MAPK10: variants seen among roughly 807,000 people sequenced by gnomAD.
MAPK10 encodes mitogen-activated protein kinase 10, also known as JNK3 alpha protein kinase.
A neutral mutation model predicts 59.3 loss-of-function variants in MAPK10; 25 were observed. The observed-to-expected ratio is 0.42, with a 90% confidence interval of 0.31 to 0.59. The LOEUF (loss-of-function observed/expected upper bound fraction) is 0.59. MAPK10 is among the 20% of genes least tolerant of loss of function. The pLI is 0.15. For missense variants in MAPK10, 351 were observed against 568.9 expected, an observed-to-expected ratio of 0.62 and a Z score of 3.90; for synonymous variants, 190 against 200.5, an observed-to-expected ratio of 0.95 and a Z score of 0.44.
intron 1 of MAPK10, among the ~76,000 whole-genome samples, chr4:86,464,811 C>G (rs1752052156): frequency 6.9e-6 from 1 of 144,334 alleles, no homozygotes; most frequent in Non-Finnish European, 1.5e-5. Context: ...CAGAGCGAGA[C>G]TCTGTCTCAA....
intron 4 of MAPK10, chr4:86,118,101 T>C (rs879695497): frequency 2.7e-4 from 41 of 152,172 alleles, no homozygotes; most frequent in Admixed American, 1.1e-3. Flanking sequence ...TTAAAATGCT[T>C]CTGTCTTCTG....
chr4:86,367,638 G>A (rs1279177756), intron 1 of MAPK10, among the ~76,000 whole-genome samples: 1 of 151,870 alleles, frequency 6.6e-6, no homozygotes, highest in Non-Finnish European at 1.5e-5. Flanking sequence ...GTATTCTTAT[G>A]TAGCAAGCAT....
rs992557252 is a variant in MAPK10 at position 86,012,391 on chromosome 4, G to A, written c.*4837C>T. On this transcript the variant is annotated 3_prime_UTR_variant, in exon 14 of 14. Transcript: ENST00000641462. ...AAATGAAATCATGACACCCTTCAGA[G>A]CTACTGTCGTTACATGCAACTCAAG... 1 of 152,136 alleles carries A rather than the reference G, an allele frequency of 6.6e-6. No individual in the cohort carries two copies. The highest frequency in any genetic ancestry group is 1.5e-5 in the Non-Finnish European group (1 of 68,004). The allele number at this position is 152,136 out of a possible 1,614,324, so 9.4% of individuals were successfully genotyped here.
At chr4:86,066,877 A>G (rs2046854727) in intron 10 of MAPK10, among the ~76,000 whole-genome samples, 1 of 151,978 alleles carries the variant, frequency 6.6e-6, no homozygotes, top group Non-Finnish European at 1.5e-5. Context: ...AGGAAACAAT[A>G]TGGGAAAATG....
chr4:86,461,326 G>C (rs1453250800), intron 1 of MAPK10, among the ~76,000 whole-genome samples: 1 of 152,134 alleles, frequency 6.6e-6, no homozygotes, highest in Non-Finnish European at 1.5e-5. Flanking sequence ...AAGTGGATGG[G>C]GAAGGCACAG....
At chr4:86,179,818 C>T (rs774826990) in intron 3 of MAPK10, among the ~76,000 whole-genome samples, 2 of 152,018 alleles carry the variant, frequency 1.3e-5, no homozygotes, top group Admixed American at 6.6e-5. Flanking sequence ...ATATCTCTCA[C>T]AATAAACAAA....
chr4:86,240,803 C>G (rs572236269), intron 2 of MAPK10, among the ~76,000 whole-genome samples: 1 of 152,244 alleles, frequency 6.6e-6, no homozygotes, highest in Admixed American at 6.5e-5. Flanking sequence ...ATTTGCCAGT[C>G]TGTATCTTTT....
chr4:86,543,108 A>G (rs1758854336), intron 1 of MAPK10, among the ~76,000 whole-genome samples: 1 of 152,124 alleles, frequency 6.6e-6, no homozygotes, highest in Non-Finnish European at 1.5e-5. Flanking sequence ...AAAGCCAAGG[A>G]AGTTAAAGGG....
upstream of MAPK10, among the ~76,000 whole-genome samples, chr4:86,457,006 C>T (rs1035214239): frequency 3.3e-5 from 5 of 152,152 alleles, no homozygotes; most frequent in Non-Finnish European, 7.4e-5. Context: ...GTTTAACATA[C>T]ATAAGTCAAT....
At chr4:86,034,612 G>A (rs868586464) in intron 11 of MAPK10, among the ~76,000 whole-genome samples, 28 of 152,158 alleles carry the variant, frequency 1.8e-4, no homozygotes, top group African/African-American at 5.8e-4. Context: ...AATTGAATAA[G>A]GTGACTGCTG....
At chr4:86,215,478 G>A (rs1332380723) in intron 2 of MAPK10, among the ~76,000 whole-genome samples, 2 of 152,160 alleles carry the variant, frequency 1.3e-5, no homozygotes, top group South Asian at 2.1e-4. Context: ...GCAACCTGTG[G>A]AGTGGGAGAA....
At chr4:86,367,651 G>GTT (rs545193325) in intron 1 of MAPK10, among the ~76,000 whole-genome samples, 65 of 144,074 alleles carry the variant, frequency 4.5e-4, no homozygotes, top group African/African-American at 1.5e-3. Flanking sequence ...GCAAGCATTT[G>GTT]TTTTTTTTTT....
chr4:86,157,150 A>G (rs2068043683), intron 4 of MAPK10, among the ~76,000 whole-genome samples: 1 of 152,026 alleles, frequency 6.6e-6, no homozygotes. Flanking sequence ...AGTAAGAAAT[A>G]AAACAGTCCA....
At chr4:86,267,940 G>C (rs1360082258) in intron 2 of MAPK10, among the ~76,000 whole-genome samples, 1 of 152,208 alleles carries the variant, frequency 6.6e-6, no homozygotes, top group African/African-American at 2.4e-5. Flanking sequence ...CTATTACAAT[G>C]TAAATTATTT....
chr4:86,510,854 G>T (rs536935767), intron 1 of MAPK10, among the ~76,000 whole-genome samples: 7 of 152,266 alleles, frequency 4.6e-5, no homozygotes, highest in Admixed American at 3.3e-4. Context: ...TGGAGGTAGA[G>T]AGTAAAATGG....
At chr4:86,351,390 T>TACATAA (rs1554237202) in intron 2 of MAPK10, among the ~76,000 whole-genome samples, 4 of 110,320 alleles carry the variant, frequency 3.6e-5, no homozygotes, top group African/African-American at 1.2e-4. Flanking sequence ...ACAGTGTGTA[T>TACATAA]ACACAAACAC....
At chr4:86,590,300 A>G (rs1414262099) in intron 1 of MAPK10, among the ~76,000 whole-genome samples, 2 of 152,068 alleles carry the variant, frequency 1.3e-5, no homozygotes, top group Non-Finnish European at 2.9e-5. Context: ...CTTTGCCTGT[A>G]CCTAGTTGAC....
intron 2 of MAPK10, among the ~76,000 whole-genome samples, chr4:86,207,447 T>C (rs999127171): frequency 1.3e-5 from 2 of 152,200 alleles, no homozygotes; most frequent in Admixed American, 1.3e-4. Flanking sequence ...TTGGTTACTG[T>C]AGCCTTGTAG....
intron 1 of MAPK10, among the ~76,000 whole-genome samples, chr4:86,405,482 A>T (rs1371965235): frequency 1.3e-5 from 2 of 152,222 alleles, no homozygotes; most frequent in Admixed American, 6.5e-5. Context: ...TTGAAAACTC[A>T]AAGTCCCAGA....
Sources: allele counts gnomAD v4.1 joint callset (sites outside exome capture counted in the v4.1 genomes callset), GRCh38; gene constraint gnomAD v4.1.1; transcripts MANE v1.5; gene names NCBI Gene and HGNC (gene_info 2026-07-23, HGNC 2026-07-21).